The following NMD3 variants were observed in gnomAD, a reference collection of about 807,000 sequenced individuals.
NMD3 encodes 60S ribosomal export protein NMD3.
A neutral mutation model predicts 73.1 loss-of-function variants in NMD3; 47 were observed. The ratio of observed to expected loss-of-function variants is 0.64; its 90% CI spans 0.51 to 0.82. The LOEUF is 0.82. NMD3 is among the 40% of genes least tolerant of loss of function. NMD3 has a pLI of 0.00. For missense variants in NMD3, 554 were observed against 612.5 expected (o/e 0.90, Z 1.01); for synonymous variants, 210 against 194.5 (o/e 1.08, Z -0.66).
Position 161,233,484 on chromosome 3 carries a change from G to A in NMD3, c.357+5G>A. The A allele has an allele frequency of 5.7e-6, 9 of 1,574,514 alleles. No homozygotes were observed. The highest frequency in any genetic ancestry group is 7.8e-6 in the Non-Finnish European group (9 of 1,148,784). On this transcript the variant is annotated splice_donor_5th_base_variant and intron_variant, in intron 5 of 15. Transcript: ENST00000351193. The stretch of plus-strand genomic sequence containing the variant: ...AAACTGACTATTCAGAAAGAGGTAA[G>A]CAGTACATAATTTTCTCAGCATGGT...
rs1029005167 is a variant in NMD3 at position 161,249,220 on chromosome 3, A to C, written c.1204-234A>C. On this transcript the variant is annotated intron_variant, in intron 13 of 15. Transcript: ENST00000351193. ...GAAAAACAGTATTCAGTCACTGAAA[A>C]ATTTTAGCAAATTTTAACAATTGTA... 2.0e-5 allele frequency among the ~76,000 whole-genome samples: 3 copies of C among 152,180 alleles called. No homozygotes were observed. In the East Asian group the frequency reaches 5.8e-4, roughly 29 times the overall value.
intron 2 of NMD3, chr3:161,223,161 C>T (rs908341293): frequency 2.0e-5 from 3 of 152,184 alleles, no homozygotes; most frequent in Non-Finnish European, 4.4e-5. Context: ...GTACCGCTGG[C>T]TCCACTCTGT....
At position 161,240,681 on chromosome 3, in the gene NMD3, C is replaced by T. The variant is rs188122282; in HGVS notation, c.754-365C>T. ...CTAGGCCCACAGGCATGCACCACCA[C>T]GTTTGGCTAATTAAAATATATATAT... On this transcript the variant is annotated intron_variant, in intron 9 of 15. Coordinates refer to ENST00000351193, the MANE Select transcript of NMD3 (RefSeq NM_015938.5). 3.9e-3 allele frequency among the ~76,000 whole-genome samples: 581 copies of T among 148,190 alleles called. 7 individuals carry two copies. The highest frequency in any genetic ancestry group is 0.014 in the African/African-American group (546 of 40,400).
chr3:161,221,475 T>C (rs1444146355), intron 1 of NMD3, 66 bp downstream of exon 1: 2 of 152,254 alleles, frequency 1.3e-5, no homozygotes, highest in African/African-American at 4.8e-5. Flanking sequence ...TGGGGCGGGC[T>C]CCCCGGCCTC....
chr3:161,230,450 T>G (rs1346975686), intron 4 of NMD3, among the ~76,000 whole-genome samples: 1 of 152,140 alleles, frequency 6.6e-6, no homozygotes, highest in African/African-American at 2.4e-5. Flanking sequence ...ATACATTTCT[T>G]AAGATGGTAT....
At chr3:161,250,405 G>A in intron 15 of NMD3, 79 bp downstream of exon 15, 1 of 810,648 alleles carries the variant, frequency 1.2e-6, no homozygotes, top group East Asian at 2.7e-5. Flanking sequence ...GGTATCTTAA[G>A]CTTTGATTCT....
In NMD3 at chr3:161,225,060, C is replaced by A; in HGVS notation, c.175C>A (p.Gln59Lys). ...CTCGATTTCGTTCTGCAAACAATGT[C>A]AAAGGTACAGTGCGGTACAATTTTG... ...QVSISFCKQCQRYFQPPGTWI... is the reference protein window; with the variant it reads ...QVSISFCKQCKRYFQPPGTWI... The change falls in exon 3 of 16, where the codon CAA (glutamine) becomes AAA (lysine). Residue 59 changes from glutamine (Q) to lysine (K), a missense_variant. Transcript: ENST00000351193. The A allele has an allele frequency of 6.2e-7, 1 of 1,613,496 alleles. No homozygotes were observed. The highest frequency in any genetic ancestry group is 1.1e-5 in the South Asian group (1 of 90,990).
At chr3:161,225,101 G>T in intron 3 of NMD3, 37 bp downstream of exon 3, 9 of 1,529,764 alleles carry the variant, frequency 5.9e-6, no homozygotes, top group South Asian at 1.2e-5. Flanking sequence ...TTTAAAGTTG[G>T]AATTTACATT....
In NMD3 at chr3:161,233,486, A is replaced by G; in HGVS notation, c.357+7A>G. 1 of 1,565,678 alleles carries G rather than the reference A, an allele frequency of 6.4e-7. No homozygotes were observed. Among genetic ancestry groups the G allele is most frequent in the African/African-American group, 1.4e-5 (1 of 73,958 alleles). ...ACTGACTATTCAGAAAGAGGTAAGC[A>G]GTACATAATTTTCTCAGCATGGTTA... is the stretch of plus-strand genomic sequence containing the variant. On this transcript the variant is annotated splice_region_variant and intron_variant, in intron 5 of 15. Coordinates refer to ENST00000351193, the MANE Select transcript of NMD3 (RefSeq NM_015938.5).
chr3:161,250,376 T>C (rs375604025), intron 15 of NMD3, 50 bp downstream of exon 15: 362 of 1,061,084 alleles, frequency 3.4e-4, no homozygotes, highest in Non-Finnish European at 4.7e-4. Context: ...ATAAGTATAG[T>C]TCCTAGTATG....
At chr3:161,228,809 A>G (rs557411684) in intron 4 of NMD3, among the ~76,000 whole-genome samples, 1 of 152,296 alleles carries the variant, frequency 6.6e-6, no homozygotes, top group South Asian at 2.1e-4. Context: ...GTGGAGCAGC[A>G]TGTTAGTATG....
At chr3:161,235,334 A>T (rs1470010016) in intron 7 of NMD3, 122 bp downstream of exon 7, 10 of 399,880 alleles carry the variant, frequency 2.5e-5, no homozygotes, top group Middle Eastern at 6.5e-4. Flanking sequence ...TCTGTTAGGA[A>T]AAAAAAAAAA....
intron 2 of NMD3, among the ~76,000 whole-genome samples, chr3:161,223,704 GAA>G (rs1736197427): frequency 6.6e-6 from 1 of 152,248 alleles, no homozygotes; most frequent in South Asian, 2.1e-4. Flanking sequence ...ATAGATTTTT[GAA>G]GACTTAGTAT....
At position 161,244,482 on chromosome 3, in the gene NMD3, C is replaced by A. The variant is rs745754789; in HGVS notation, c.1017+1829C>A. Among the ~76,000 whole-genome samples, 28 of 152,254 alleles carry A rather than the reference C, an allele frequency of 1.8e-4. No homozygotes were observed. The Middle Eastern group carries it at 0.01, about 55-fold the overall frequency. ...AATATTTTTAGAGTAAAGAGTTGAT[C>A]TAGGAATCATTTCCAGTGGTGAAAA... On this transcript the variant is annotated intron_variant, in intron 11 of 15. Transcript: ENST00000351193.
chr3:161,223,445 A>T (rs1444260587), intron 2 of NMD3, among the ~76,000 whole-genome samples: 2 of 149,682 alleles, frequency 1.3e-5, no homozygotes, highest in Admixed American at 6.6e-5. Context: ...CTATACTGTT[A>T]AAAAAAAAAT....
Position 161,224,994 on chromosome 3 carries a change from C to T in NMD3, c.109C>T (p.Arg37Ter), listed in dbSNP as rs771991936. The stretch of plus-strand genomic sequence containing the variant: ...TGCCAATATTTGTGTGGCCTGTTTG[C>T]GAAGTAAAGTGGACATCAGCCAAGG... ...NPANICVACLRSKVDISQGIP... is the reference protein window; with the variant it reads ...NPANICVACL The change falls in exon 3 of 16, where the codon CGA (arginine) becomes TGA (stop). Residue 37 changes from arginine to a stop codon, truncating the protein, a stop_gained. Transcript: ENST00000351193. LOFTEE classifies it high-confidence loss of function. 1.4e-5 allele frequency: 22 copies of T among 1,613,404 alleles called. No homozygotes were observed. The highest frequency in any genetic ancestry group is 4.5e-5 in the East Asian group (2 of 44,846).
At chr3:161,240,022 G>T (rs1488799608) in intron 9 of NMD3, among the ~76,000 whole-genome samples, 1 of 152,170 alleles carries the variant, frequency 6.6e-6, no homozygotes, top group Non-Finnish European at 1.5e-5. Flanking sequence ...ATTTAGGTGT[G>T]AGGGCATATT....
chr3:161,222,469 C>T (rs1467750815), intron 2 of NMD3, among the ~76,000 whole-genome samples: 4 of 151,936 alleles, frequency 2.6e-5, no homozygotes, highest in African/African-American at 7.3e-5. Flanking sequence ...CTCAGCCTCC[C>T]GAGTAGCTCG....
chr3:161,234,978 G>C, intron 6 of NMD3, 123 bp downstream of exon 6: 1 of 1,016,950 alleles, frequency 9.8e-7, no homozygotes, highest in South Asian at 1.5e-5. Flanking sequence ...TTTGGAAATA[G>C]ATCATTATTA....
Sources: allele counts gnomAD v4.1 joint callset (sites outside exome capture counted in the v4.1 genomes callset), GRCh38; gene constraint gnomAD v4.1.1; transcripts MANE v1.5; gene names NCBI Gene and HGNC (gene_info 2026-07-23, HGNC 2026-07-21).